The following ABLIM2 variants were observed in gnomAD, a reference collection of about 807,000 sequenced individuals.
ABLIM2 encodes the protein actin binding LIM protein family member 2.
Under a neutral mutation model 97.7 loss-of-function variants are expected in ABLIM2, and 53 were observed. The ratio of observed to expected loss-of-function variants is 0.54; its 90% confidence interval spans 0.44 to 0.68. The LOEUF is 0.68. Ranked by LOEUF, ABLIM2 falls within the 30% of genes least tolerant of loss-of-function variation. The pLI, the probability that ABLIM2 is intolerant of heterozygous loss-of-function variation, is 0.00. For missense variants in ABLIM2, 835 were observed against 867.2 expected, an observed-to-expected ratio of 0.96 and a Z score of 0.47; for synonymous variants, 361 against 345.8, an observed-to-expected ratio of 1.04 and a Z score of -0.49.
rs1429364305 is a variant in ABLIM2 at position 8,009,073 on chromosome 4, T to G, written c.1453A>C (p.Ser485Arg). The change falls in exon 15 of 21, where the codon AGC becomes CGC. Residue 485 changes from serine (S) to arginine (R), a missense_variant. Transcript: ENST00000447017. The stretch of plus-strand genomic sequence containing the variant: ...ACCTTCCTGTTATCCTGGTCCAAGC[T>G]TCCATCCTCCCCATCCGATCGCCTG... ...AARRSDGEDG[S>R]LDQDNRKQKS... is the part of the protein sequence containing the mutation. 1 of 1,613,918 alleles carries G rather than the reference T, an allele frequency of 6.2e-7. No individual in the cohort carries two copies. The highest frequency in any genetic ancestry group is 1.3e-5 in the African/African-American group (1 of 74,936).
intron 9 of ABLIM2, 73 bp downstream of exon 9, chr4:8,045,091 T>C (rs982621863): frequency 1.2e-5 from 17 of 1,392,092 alleles, no homozygotes; most frequent in East Asian, 1.1e-4. Flanking sequence ...GGGGTGGGCT[T>C]AGCCACGGCC....
At chr4:8,094,787 G>C (rs888294020) in intron 3 of ABLIM2, among the ~76,000 whole-genome samples, 1 of 152,070 alleles carries the variant, frequency 6.6e-6, no homozygotes, top group East Asian at 1.9e-4. Context: ...TTTTCTTCTG[G>C]CTTTGGGTCA....
At chr4:8,037,501 C>T (rs1224912316) in intron 9 of ABLIM2, among the ~76,000 whole-genome samples, 2 of 152,020 alleles carry the variant, frequency 1.3e-5, no homozygotes, top group African/African-American at 4.8e-5. Context: ...CACACTGACA[C>T]GTGCTCACAC....
chr4:8,026,194 G>A (rs980414153), intron 12 of ABLIM2, among the ~76,000 whole-genome samples: 1 of 152,204 alleles, frequency 6.6e-6, no homozygotes, highest in Non-Finnish European at 1.5e-5. Flanking sequence ...CAGACAAAGG[G>A]TCTCACCAGG....
chr4:7,983,477 A>G, intron 19 of ABLIM2, 70 bp downstream of exon 19: 1 of 1,603,444 alleles, frequency 6.2e-7, no homozygotes, highest in South Asian at 1.1e-5. Flanking sequence ...GTAAAGCACA[A>G]CAGAAAGGAC....
intron 1 of ABLIM2, among the ~76,000 whole-genome samples, chr4:8,107,268 C>T (rs1472544261): frequency 6.6e-6 from 1 of 152,250 alleles, no homozygotes; most frequent in Non-Finnish European, 1.5e-5. Context: ...CAGGGCCTGA[C>T]TGTGGGGCTC....
chr4:8,154,454 G>A lies in ABLIM2; in HGVS notation c.10+4226C>T, dbSNP rs572646941. Among the ~76,000 whole-genome samples, 4 of 150,154 alleles carry A rather than the reference G, an allele frequency of 2.7e-5. No homozygotes were observed. In the East Asian group the frequency reaches 7.8e-4, roughly 29 times the overall value. On this transcript the variant is annotated intron_variant, in intron 1 of 20. Coordinates refer to ENST00000447017, the MANE Select transcript of ABLIM2 (RefSeq NM_001130083.2). ...CCACCACCACACCCAGCTAATTTTT[G>A]TATTTTTAGTAGAGATGGGGTTTCA... is the stretch of plus-strand genomic sequence containing the variant.
intron 4 of ABLIM2, among the ~76,000 whole-genome samples, chr4:8,081,362 C>T (rs939102120): frequency 6.6e-6 from 1 of 152,190 alleles, no homozygotes; most frequent in African/African-American, 2.4e-5. Flanking sequence ...CTGTCCTTCC[C>T]AGCCGTGCCT....
chr4:7,967,753 G>A (rs1440386076), intron 20 of ABLIM2, among the ~76,000 whole-genome samples: 1 of 145,548 alleles, frequency 6.9e-6, no homozygotes, highest in Non-Finnish European at 1.6e-5. Flanking sequence ...GATGCCATAG[G>A]AGTGAGTTAG....
At chr4:8,086,532 G>A (rs1406210623) in intron 4 of ABLIM2, among the ~76,000 whole-genome samples, 2 of 151,936 alleles carry the variant, frequency 1.3e-5, no homozygotes, top group Non-Finnish European at 2.9e-5. Context: ...ACTTTTATTA[G>A]AGACAGGGCC....
At position 8,095,812 on chromosome 4, in the gene ABLIM2, G is replaced by C. The variant is rs1831288178; in HGVS notation, c.338+1287C>G. On this transcript the variant is annotated intron_variant, in intron 3 of 20. Coordinates refer to ENST00000447017, the MANE Select transcript of ABLIM2 (RefSeq NM_001130083.2). The surrounding 1 kb of genome is among the most constrained non-coding windows in gnomAD (Gnocchi z 4.7). ...GTCCACACTGCATGCCCTGGGGTTC[G>C]ACGAGGAATCTCTGCCCTGGACAGG... Among the ~76,000 whole-genome samples the C allele has an allele frequency of 6.6e-6, 1 of 152,172 alleles. No homozygotes were observed. The highest frequency in any genetic ancestry group is 2.4e-5 in the African/African-American group (1 of 41,440).
rs1004378173 is a variant in ABLIM2 at position 8,082,154 on chromosome 4, G to T, written c.455-1352C>A. Among the ~76,000 whole-genome samples, 1 of 152,098 alleles carries T rather than the reference G, an allele frequency of 6.6e-6. No individual in the cohort carries two copies. Among genetic ancestry groups the T allele is most frequent in the African/African-American group, 2.4e-5 (1 of 41,422 alleles). Reference sequence around the variant, plus strand: ...AAACAGGGCCTTGCCGCCTGCAGGAGCCCCTGAGTAATTCACAGACCAAGC... The same window carrying T: ...AAACAGGGCCTTGCCGCCTGCAGGATCCCCTGAGTAATTCACAGACCAAGC... On this transcript the variant is annotated intron_variant, in intron 4 of 20. Transcript: ENST00000447017. The surrounding 1 kb of genome is among the most constrained non-coding windows in gnomAD (Gnocchi z 5.6).
intron 14 of ABLIM2, among the ~76,000 whole-genome samples, chr4:8,013,544 G>T (rs1192003190): frequency 6.6e-6 from 1 of 152,152 alleles, no homozygotes; most frequent in Non-Finnish European, 1.5e-5. Context: ...CATTTGTAAA[G>T]CATGTTAACA....
chr4:7,977,515 T>C (rs543283728), intron 20 of ABLIM2, among the ~76,000 whole-genome samples: 4 of 152,210 alleles, frequency 2.6e-5, no homozygotes, highest in Non-Finnish European at 5.9e-5. Context: ...GGTAGGCCGG[T>C]GTGGTGGCTC....
At chr4:7,991,510 C>A (rs1748694605) in intron 17 of ABLIM2, among the ~76,000 whole-genome samples, 1 of 145,284 alleles carries the variant, frequency 6.9e-6, no homozygotes, top group Non-Finnish European at 1.5e-5. Flanking sequence ...GGACCCCTAA[C>A]ATTGAGCTCA....
rs80031929 is a variant in ABLIM2, at chr4:8,008,008, C to T, written c.1618+51G>A. ...GCTCTGAGTTCTGGGGCCTCTTTGC[C>T]GCGAGGCATTTTGTGCACATCACGG... On this transcript the variant is annotated intron_variant, in intron 16 of 20. Transcript: ENST00000447017. 1,412 of 1,601,328 alleles carry T rather than the reference C, an allele frequency of 8.8e-4. 17 individuals carry two copies. The African/African-American group carries it at 0.016, about 19-fold the overall frequency.
rs1221292763 is a variant in ABLIM2 at position 8,095,021 on chromosome 4, TCCC to T, written c.338+2075_338+2077del. On this transcript the variant is annotated intron_variant, in intron 3 of 20. Coordinates refer to ENST00000447017, the MANE Select transcript of ABLIM2 (RefSeq NM_001130083.2). This position sits in a 1 kb window ranked among gnomAD's most constrained non-coding sequence, Gnocchi z 4.7. ...CTTTTTCTTTCTTTCTCTCTCTCTC[TCCC>T]CCCACTTCTTTCCTTCCTTCCTTCT... is the stretch of plus-strand genomic sequence containing the variant. Among the ~76,000 whole-genome samples the T allele has an allele frequency of 1.5e-5, 2 of 137,436 alleles. No individual in the cohort carries two copies. Among genetic ancestry groups the T allele is most frequent in the Non-Finnish European group, 3.1e-5 (2 of 64,242 alleles). 90.2% of individuals were successfully genotyped at this position (137,436 alleles called of 152,430 possible). A position where few individuals can be genotyped will look rare whatever the true frequency, so the allele number is the denominator to read the frequency against.
rs1308612003 is a variant in ABLIM2, at chr4:7,999,285, C to T, written c.1619-6358G>A. On this transcript the variant is annotated intron_variant, in intron 16 of 20. Transcript: ENST00000447017. This position sits in a 1 kb window ranked among gnomAD's most constrained non-coding sequence, Gnocchi z 4.4. Reference sequence around the variant, plus strand: ...TGTTGGTCAGGCTATCTCGAACTCCCGACCTCAGGTGATCTGCCTGCCTCG... The same window carrying T: ...TGTTGGTCAGGCTATCTCGAACTCCTGACCTCAGGTGATCTGCCTGCCTCG... 3.9e-5 allele frequency among the ~76,000 whole-genome samples: 6 copies of T among 152,010 alleles called. No individual in the cohort carries two copies. Among genetic ancestry groups the T allele is most frequent in the African/African-American group, 7.3e-5 (3 of 41,358 alleles).
chr4:8,100,575 C>T (rs974206547), intron 2 of ABLIM2, among the ~76,000 whole-genome samples: 13 of 151,862 alleles, frequency 8.6e-5, no homozygotes, highest in South Asian at 6.2e-4. Flanking sequence ...GGAGGAACCT[C>T]GACTCCACTA....
Sources: allele counts gnomAD v4.1 joint callset (sites outside exome capture counted in the v4.1 genomes callset), GRCh38; gene constraint gnomAD v4.1.1; non-coding constraint Gnocchi (gnomAD v3.1); transcripts MANE v1.5; gene names NCBI Gene and HGNC (gene_info 2026-07-23, HGNC 2026-07-21).